ADAM12: variants seen among roughly 807,000 people sequenced by gnomAD.
ADAM12 encodes the protein ADAM metallopeptidase domain 12.
In ADAM12, 70 loss-of-function variants were observed where a neutral mutation model predicts 106.4. That is an observed-to-expected ratio of 0.66 (90% CI 0.54 to 0.80). ADAM12 has a LOEUF of 0.80. Among genes scored for constraint, ADAM12 ranks in the 30% least tolerant of loss-of-function variants. ADAM12 has a pLI of 0.00. For missense variants in ADAM12, 1,010 were observed against 1,171.9 expected, an observed-to-expected ratio of 0.86 and a Z score of 2.02; for synonymous variants, 420 against 433.5, an observed-to-expected ratio of 0.97 and a Z score of 0.39.
intron 11 of ADAM12, among the ~76,000 whole-genome samples, chr10:126,085,459 GCT>G (rs1208336413): frequency 6.6e-6 from 1 of 151,924 alleles, no homozygotes; most frequent in Non-Finnish European, 1.5e-5. Context: ...ACTCATCATC[GCT>G]CTCTCCATCC....
intron 1 of ADAM12, among the ~76,000 whole-genome samples, chr10:126,360,634 A>G (rs1230851826): frequency 1.3e-5 from 2 of 152,150 alleles, no homozygotes; most frequent in Non-Finnish European, 2.9e-5. Flanking sequence ...TGTCCATATC[A>G]CTATCAGCAT....
At chr10:126,370,081 A>G (rs1219546111) in intron 1 of ADAM12, among the ~76,000 whole-genome samples, 1 of 152,208 alleles carries the variant, frequency 6.6e-6, no homozygotes, top group Non-Finnish European at 1.5e-5. Context: ...AACTCAAGGG[A>G]CTGAATTCTG....
At chr10:126,026,126 TCAAAA>T (rs1428381067) in intron 21 of ADAM12, among the ~76,000 whole-genome samples, 2 of 151,930 alleles carry the variant, frequency 1.3e-5, no homozygotes, top group African/African-American at 2.4e-5. Flanking sequence ...ACACACAGGC[TCAAAA>T]CAAAGGGATG....
chr10:126,387,959 G>A (rs1356682471), intron 1 of ADAM12, 99 bp downstream of exon 1: 2 of 1,163,408 alleles, frequency 1.7e-6, no homozygotes, highest in Middle Eastern at 3.5e-4. Context: ...GCCGGGGCGC[G>A]TCGCCCCTCG....
At chr10:126,236,275 G>A (rs1365136756) in intron 3 of ADAM12, among the ~76,000 whole-genome samples, 1 of 152,194 alleles carries the variant, frequency 6.6e-6, no homozygotes, top group Non-Finnish European at 1.5e-5. Context: ...CTGGGGGAAG[G>A]CTGGGGCAGA....
At chr10:126,284,152 G>A (rs146732231) in intron 2 of ADAM12, among the ~76,000 whole-genome samples, 2,117 of 151,970 alleles carry the variant, frequency 0.014, 59 homozygotes, top group African/African-American at 0.048. Context: ...GGCCAATATG[G>A]TGAAACCCCG....
At chr10:126,266,278 T>C (rs1959095442) in intron 3 of ADAM12, among the ~76,000 whole-genome samples, 1 of 152,126 alleles carries the variant, frequency 6.6e-6, no homozygotes, top group African/African-American at 2.4e-5. Flanking sequence ...AATGGGGGTA[T>C]CTAAACCTTC....
intron 3 of ADAM12, among the ~76,000 whole-genome samples, chr10:126,263,454 C>T (rs1276283558): frequency 6.7e-6 from 1 of 148,712 alleles, no homozygotes; most frequent in Non-Finnish European, 1.5e-5. Context: ...CCCTATATCA[C>T]ACTAGATCCT....
chr10:126,128,593 C>T (rs1021263913), intron 5 of ADAM12, among the ~76,000 whole-genome samples: 14 of 138,608 alleles, frequency 1.0e-4, no homozygotes, highest in East Asian at 6.5e-4. Flanking sequence ...GTGTGGTGCG[C>T]GTGTGGGAAT....
At chr10:126,225,760 A>G (rs1032612937) in intron 3 of ADAM12, among the ~76,000 whole-genome samples, 1 of 152,218 alleles carries the variant, frequency 6.6e-6, no homozygotes, top group African/African-American at 2.4e-5. Flanking sequence ...TCTGAACCAT[A>G]GCTCACAGAA....
intron 3 of ADAM12, among the ~76,000 whole-genome samples, chr10:126,195,097 T>TG (rs1957572302): frequency 7.8e-6 from 1 of 128,366 alleles, no homozygotes; most frequent in Non-Finnish European, 1.6e-5. Flanking sequence ...TTACCAGGGG[T>TG]GGAGGGCTTG....
intron 14 of ADAM12, among the ~76,000 whole-genome samples, chr10:126,059,024 T>A (rs1352256195): frequency 6.6e-6 from 1 of 152,244 alleles, no homozygotes; most frequent in Non-Finnish European, 1.5e-5. Flanking sequence ...TATCAAAAGA[T>A]AAAATTTAGC....
chr10:126,049,329 C>G lies in ADAM12; in HGVS notation c.1841G>C (p.Gly614Ala), dbSNP rs781067561. 6.2e-7 allele frequency: 1 copy of G among 1,614,224 alleles called. No homozygotes were observed. The highest frequency in any genetic ancestry group is 2.2e-5 in the East Asian group (1 of 44,882). ...LQQGGRILCR[G>A]THVYLGDDMP... ...GTCATCGCCCAAGTACACGTGGGTC[C>G]CCCGGCACAGAATCCGGCCTCCTTG... The change falls in exon 16 of 23, where the codon GGG (glycine) becomes GCG (alanine). Residue 614 changes from glycine (G) to alanine (A), a missense_variant. By Grantham distance (60) the Gly-to-Ala change is moderately conservative (BLOSUM62 0). Around this residue, in one of 3 missense-constraint regions of ADAM12, gnomAD observed 615 missense variants for 708.5 expected, o/e 0.87. Coordinates refer to ENST00000448723, the MANE Select transcript of ADAM12 (RefSeq NM_001288973.2). The surrounding 1 kb of genome is among the most constrained non-coding windows in gnomAD (Gnocchi z 4.4).
chr10:126,238,144 G>A (rs17746165), intron 3 of ADAM12, among the ~76,000 whole-genome samples: 59,032 of 152,172 alleles, frequency 0.39, 13,371 homozygotes, highest in Non-Finnish European at 0.51. Context: ...CATACATTGC[G>A]TAAAATAAGG....
At chr10:126,054,360 T>C (rs1954580816) in intron 14 of ADAM12, among the ~76,000 whole-genome samples, 1 of 152,222 alleles carries the variant, frequency 6.6e-6, no homozygotes, top group Non-Finnish European at 1.5e-5. Context: ...CAGGCAGCCT[T>C]GATGAACCTG....
At chr10:126,188,869 T>C (rs1237561983) in intron 3 of ADAM12, among the ~76,000 whole-genome samples, 8 of 152,160 alleles carry the variant, frequency 5.3e-5, no homozygotes, top group Admixed American at 5.2e-4. Context: ...CATCTATTTG[T>C]CGCCCATCCT....
At chr10:126,033,236 T>C (rs2133393323) in intron 21 of ADAM12, among the ~76,000 whole-genome samples, 1 of 152,142 alleles carries the variant, frequency 6.6e-6, no homozygotes, top group African/African-American at 2.4e-5. Context: ...ACCAGAGAAA[T>C]CAGCTGTAAA....
intron 16 of ADAM12, among the ~76,000 whole-genome samples, chr10:126,046,375 A>G (rs1412322728): frequency 2.0e-5 from 3 of 152,192 alleles, no homozygotes; most frequent in Admixed American, 2.0e-4. Context: ...ACACTATTAA[A>G]TTATTTTGCA....
chr10:126,037,070 A>AGTTT lies in ADAM12; in HGVS notation c.2350-749_2350-746dup, dbSNP rs558403412. Among the ~76,000 whole-genome samples, 124 of 152,180 alleles carry AGTTT rather than the reference A, an allele frequency of 8.1e-4. 1 individual carries two copies. In the East Asian group the frequency reaches 0.023, roughly 28 times the overall value. On this transcript the variant is annotated intron_variant, in intron 20 of 22. Transcript: ENST00000448723. ...CATCAGTCTGCTTTCTGTCACTATC[A>AGTTT]GTTTGCATTTGTCAGAATTGTATAT...
Sources: allele counts gnomAD v4.1 joint callset (sites outside exome capture counted in the v4.1 genomes callset), GRCh38; gene constraint gnomAD v4.1.1; regional missense constraint gnomAD v4.1.1; non-coding constraint Gnocchi (gnomAD v3.1); transcripts MANE v1.5; gene names NCBI Gene and HGNC (gene_info 2026-07-23, HGNC 2026-07-21).